RAP1GDS1: variants seen among roughly 807,000 people sequenced by gnomAD.
The protein encoded by RAP1GDS1 is RAP1, GTP-GDP dissociation stimulator 1.
In RAP1GDS1, 35 loss-of-function variants were observed where a neutral mutation model predicts 71.1. That is an observed-to-expected ratio of 0.49 (90% CI 0.38 to 0.65). The LOEUF (loss-of-function observed/expected upper bound fraction) is 0.65. Ranked by LOEUF, RAP1GDS1 falls within the 30% of genes least tolerant of loss-of-function variation. The pLI is 0.00. For synonymous variants in RAP1GDS1, 229 were observed against 243.1 expected (o/e 0.94, Z 0.54); for missense variants, 663 against 706.1 (o/e 0.94, Z 0.69).
chr4:98,352,381 A>G, intron 3 of RAP1GDS1, 95 bp from the exon 4 acceptor site: 1 of 1,342,888 alleles, frequency 7.4e-7, no homozygotes, highest in Non-Finnish European at 1.0e-6. Flanking sequence ...TTTAAATACC[A>G]CATATTAAAA....
intron 2 of RAP1GDS1, among the ~76,000 whole-genome samples, chr4:98,342,884 A>G (rs1274344604): frequency 6.6e-6 from 1 of 152,194 alleles, no homozygotes; most frequent in African/African-American, 2.4e-5. Context: ...ATATATTCAG[A>G]AAGAACTTCT....
At chr4:98,390,976 C>T (rs1422789859) in intron 5 of RAP1GDS1, among the ~76,000 whole-genome samples, 3 of 151,964 alleles carry the variant, frequency 2.0e-5, no homozygotes, top group African/African-American at 7.2e-5. Flanking sequence ...TTGAAAATGG[C>T]ATATCATTTT....
At chr4:98,410,657 A>T (rs1746925093) in intron 7 of RAP1GDS1, among the ~76,000 whole-genome samples, 1 of 152,228 alleles carries the variant, frequency 6.6e-6, no homozygotes, top group Non-Finnish European at 1.5e-5. Flanking sequence ...TAATGGAAAA[A>T]TATAGAGTTA....
At chr4:98,338,522 G>A (rs961267602) in intron 2 of RAP1GDS1, among the ~76,000 whole-genome samples, 6 of 152,056 alleles carry the variant, frequency 3.9e-5, no homozygotes, top group Non-Finnish European at 8.8e-5. Flanking sequence ...CAGAAACCTT[G>A]ATATCCATGG....
At chr4:98,393,601 G>T (rs1008594411) in intron 6 of RAP1GDS1, among the ~76,000 whole-genome samples, 52 of 152,158 alleles carry the variant, frequency 3.4e-4, no homozygotes, top group African/African-American at 1.2e-3. Context: ...CTTGCCTTCA[G>T]TTTTATGAAA....
chr4:98,410,087 A>G (rs1340423017), intron 7 of RAP1GDS1, among the ~76,000 whole-genome samples: 1 of 151,970 alleles, frequency 6.6e-6, no homozygotes, highest in Non-Finnish European at 1.5e-5. Flanking sequence ...TGAGCAACAT[A>G]GTGAGGCCTC....
intron 2 of RAP1GDS1, among the ~76,000 whole-genome samples, chr4:98,301,993 A>ATTTT (rs776378771): frequency 4.7e-4 from 71 of 152,318 alleles, no homozygotes; most frequent in Middle Eastern, 6.8e-3. Flanking sequence ...TTTATCCCAA[A>ATTTT]TTGTTGCCCT....
chr4:98,378,494 A>ATGAT (rs1243023582), intron 4 of RAP1GDS1, among the ~76,000 whole-genome samples: 2 of 151,964 alleles, frequency 1.3e-5, no homozygotes, highest in African/African-American at 4.8e-5. Context: ...ATTACCTATT[A>ATGAT]TGATTTAGAG....
intron 14 of RAP1GDS1, among the ~76,000 whole-genome samples, chr4:98,440,741 G>C (rs182409279): frequency 6.6e-6 from 1 of 152,202 alleles, no homozygotes; most frequent in Non-Finnish European, 1.5e-5. Context: ...TTTTGAGACG[G>C]AGTTTCGCAC....
chr4:98,353,846 T>A (rs1737563216), intron 4 of RAP1GDS1, among the ~76,000 whole-genome samples: 1 of 152,180 alleles, frequency 6.6e-6, no homozygotes, highest in South Asian at 2.1e-4. Context: ...ATTTAGGATT[T>A]TTATTAAGCA....
At chr4:98,389,552 C>T (rs979499653) in intron 5 of RAP1GDS1, among the ~76,000 whole-genome samples, 1 of 152,040 alleles carries the variant, frequency 6.6e-6, no homozygotes, top group Non-Finnish European at 1.5e-5. Context: ...GAATTTGGCT[C>T]CTGGGTAGTT....
intron 1 of RAP1GDS1, among the ~76,000 whole-genome samples, chr4:98,261,829 C>T (rs1276213564): frequency 6.6e-6 from 1 of 152,080 alleles, no homozygotes; most frequent in Non-Finnish European, 1.5e-5. Context: ...CGCAGCCTCG[C>T]CTCCCCTCCT....
intron 4 of RAP1GDS1, among the ~76,000 whole-genome samples, chr4:98,369,749 C>G (rs937252215): frequency 6.6e-6 from 1 of 152,254 alleles, no homozygotes; most frequent in African/African-American, 2.4e-5. Flanking sequence ...TGAAAATGCT[C>G]AGTATGTTGA....
chr4:98,272,748 G>A (rs1723653842), intron 1 of RAP1GDS1, among the ~76,000 whole-genome samples: 1 of 151,868 alleles, frequency 6.6e-6, no homozygotes, highest in Non-Finnish European at 1.5e-5. Flanking sequence ...GAGCTTCTTG[G>A]TCCAATCACT....
chr4:98,331,306 GA>G (rs1237538556), intron 2 of RAP1GDS1, among the ~76,000 whole-genome samples: 11 of 151,016 alleles, frequency 7.3e-5, no homozygotes, highest in Non-Finnish European at 5.9e-5. Context: ...AGACGAAGGA[GA>G]GGGGGAGACC....
At chr4:98,279,049 C>G (rs1163828882) in intron 1 of RAP1GDS1, among the ~76,000 whole-genome samples, 1 of 151,984 alleles carries the variant, frequency 6.6e-6, no homozygotes, top group Non-Finnish European at 1.5e-5. Context: ...AGTGAAACCC[C>G]GTCTCTACTA....
Position 98,420,045 on chromosome 4 carries a change from G to A in RAP1GDS1, c.1201G>A (p.Ala401Thr). The change falls in exon 11 of 15, where the codon GCT becomes ACT. Residue 401 changes from alanine to threonine, a missense_variant. Ala to Thr is a moderately conservative substitution (Grantham distance 58). Transcript: ENST00000408927. ...TATAAATAAAGCAAAGATGTTATCAGCTGGGGTCACAGAGGCAGTTTTGAA... is the reference window on the plus strand; with the variant it reads ...TATAAATAAAGCAAAGATGTTATCAACTGGGGTCACAGAGGCAGTTTTGAA... ...PVINKAKMLS[A>T]GVTEAVLKFL... is the part of the protein sequence containing the mutation. The A allele has an allele frequency of 6.2e-7, 1 of 1,605,390 alleles. No homozygotes were observed. The highest frequency in any genetic ancestry group is 8.5e-7 in the Non-Finnish European group (1 of 1,175,694).
Position 98,379,147 on chromosome 4 carries a change from C to G in RAP1GDS1, c.492C>G (p.Asn164Lys), listed in dbSNP as rs1420834417. 35 of 1,597,882 alleles carry G rather than the reference C, an allele frequency of 2.2e-5. No homozygotes were observed. The highest frequency in any genetic ancestry group is 2.8e-5 in the Non-Finnish European group (33 of 1,174,414). Residue 164 changes from asparagine to lysine, a missense_variant, in exon 5 of 15, where the codon AAC (asparagine) becomes AAG (lysine). Coordinates refer to ENST00000408927, the MANE Select transcript of RAP1GDS1 (RefSeq NM_001100427.2). ...LLTVFCGMLM[N>K]YSNENDSLQA... is the part of the protein sequence containing the mutation. ...CTGTCTTTTGTGGCATGCTGATGAACTATAGCAATGAGAATGGTAAACAAA... is the reference window on the plus strand; with the variant it reads ...CTGTCTTTTGTGGCATGCTGATGAAGTATAGCAATGAGAATGGTAAACAAA...
At chr4:98,426,816 T>C (rs1384413360) in intron 12 of RAP1GDS1, among the ~76,000 whole-genome samples, 1 of 152,102 alleles carries the variant, frequency 6.6e-6, no homozygotes, top group African/African-American at 2.4e-5. Context: ...ACCAATCCTA[T>C]TGACACTATT....
Sources: gnomAD v4.1 joint callset for allele counts (sites outside exome capture counted in the v4.1 genomes callset) on GRCh38, gnomAD v4.1.1 for gene constraint, MANE v1.5 for transcripts, NCBI Gene and HGNC (gene_info 2026-07-23, HGNC 2026-07-21) for gene names.